KREMEN1: variants seen among roughly 807,000 people sequenced by gnomAD.
The protein encoded by KREMEN1 is kringle containing transmembrane protein 1, also known as kremen protein 1.
A neutral mutation model predicts 46.5 loss-of-function variants in KREMEN1; 30 were observed. The observed-to-expected ratio is 0.65, with a 90% CI of 0.48 to 0.88. The LOEUF (loss-of-function observed/expected upper bound fraction) is 0.88, where lower values mean the gene tolerates loss of function less well. Ranked by LOEUF, KREMEN1 falls within the 40% of genes least tolerant of loss-of-function variation. The pLI is 0.00. For synonymous variants in KREMEN1, 214 were observed against 230.6 expected (o/e 0.93, Z 0.65); for missense variants, 533 against 596.9 (o/e 0.89, Z 1.11).
In KREMEN1 at chr22:29,142,593, C is replaced by G; in HGVS notation, c.*481C>G. On this transcript the variant is annotated 3_prime_UTR_variant, in exon 9 of 9. Coordinates refer to ENST00000400335, the MANE Select transcript of KREMEN1 (RefSeq NM_001039570.3). ...GCCAGACAGGGAGAACTCTCAGGTA[C>G]TCTTGGGAGTTGGTCCCATACAAGT... The G allele has an allele frequency of 1.0e-6, 1 of 985,718 alleles. No homozygotes were observed. 61.1% of individuals were successfully genotyped at this position (985,718 alleles called of 1,614,324 possible).
At chr22:29,166,605 T>A (rs970953403) in intron 9 of KREMEN1, among the ~76,000 whole-genome samples, 2 of 152,102 alleles carry the variant, frequency 1.3e-5, no homozygotes, top group African/African-American at 4.8e-5. Context: ...CTCTCTCAAC[T>A]CTTTTAGTCA....
chr22:29,167,246 C>T (rs536101145), exon 10 of KREMEN1: 9 of 708,032 alleles, frequency 1.3e-5, no homozygotes, highest in Admixed American at 2.2e-5. Flanking sequence ...GTAATACCAG[C>T]GTTTTGGGAG....
intron 5 of KREMEN1, among the ~76,000 whole-genome samples, chr22:29,130,325 G>GC (rs2038512864): frequency 6.6e-6 from 1 of 152,200 alleles, no homozygotes; most frequent in Non-Finnish European, 1.5e-5. Flanking sequence ...GTAGGATCTG[G>GC]CTCCTGGGAC....
intron 3 of KREMEN1, among the ~76,000 whole-genome samples, chr22:29,100,126 C>G (rs1011286035): frequency 7.1e-6 from 1 of 139,904 alleles, no homozygotes; most frequent in Admixed American, 7.4e-5. Flanking sequence ...GAGTCTCACT[C>G]TGTCTCCCAG....
At position 29,138,746 on chromosome 22, in the gene KREMEN1, A is replaced by G; in HGVS notation, c.1087A>G (p.Thr363Ala). The change falls in exon 7 of 9, where the codon ACC becomes GCC. Residue 363 changes from threonine (T) to alanine (A), a missense_variant. Coordinates refer to ENST00000400335, the MANE Select transcript of KREMEN1 (RefSeq NM_001039570.3). Reference protein sequence around the residue: ...ARSSKVLYVITTSPSHPPQTV... With the variant: ...ARSSKVLYVIATSPSHPPQTV... ...GTCCTCCAAAGTCCTCTATGTCATC[A>G]CCACCAGCCCCAGCCACCCACCTCA... 1 of 1,614,152 alleles carries G rather than the reference A, an allele frequency of 6.2e-7. No homozygotes were observed. Among genetic ancestry groups the G allele is most frequent in the Non-Finnish European group, 8.5e-7 (1 of 1,180,032 alleles).
chr22:29,079,416 G>A (rs1370409241), intron 1 of KREMEN1, among the ~76,000 whole-genome samples: 2 of 152,232 alleles, frequency 1.3e-5, no homozygotes, highest in African/African-American at 4.8e-5. Context: ...GCCGGGCCCA[G>A]CTTCTAGCTT....
chr22:29,151,230 C>T (rs2038912542), downstream of KREMEN1, among the ~76,000 whole-genome samples: 1 of 152,122 alleles, frequency 6.6e-6, no homozygotes, highest in South Asian at 2.1e-4. Context: ...CTTCCATGGA[C>T]CTCAGGTTTA....
Position 29,153,864 on chromosome 22 carries a change from C to T in KREMEN1, c.1416+11764C>T, listed in dbSNP as rs188537606. On this transcript the variant is annotated intron_variant, in intron 9 of 9. Transcript: ENST00000327813. ...CTGGCGTGCTACTCCCTAGCTACTC[C>T]GGGAGGCTGAGGCAGGAGAATCGCT... Among the ~76,000 whole-genome samples the T allele has an allele frequency of 2.4e-4, 36 of 151,534 alleles. 1 individual carries two copies. In the East Asian group the frequency reaches 3.9e-3, roughly 16 times the overall value.
chr22:29,077,817 T>C (rs1268412480), intron 1 of KREMEN1, among the ~76,000 whole-genome samples: 4 of 152,252 alleles, frequency 2.6e-5, no homozygotes, highest in African/African-American at 9.6e-5. Context: ...ATGAAACTTT[T>C]ACCATTTACT....
chr22:29,115,395 T>C (rs2038221528), intron 3 of KREMEN1, among the ~76,000 whole-genome samples: 1 of 151,266 alleles, frequency 6.6e-6, no homozygotes, highest in Non-Finnish European at 1.5e-5. Flanking sequence ...AACTTACTCA[T>C]GTAACCAAAC....
intron 3 of KREMEN1, among the ~76,000 whole-genome samples, chr22:29,117,578 A>G (rs997694777): frequency 6.6e-6 from 1 of 152,154 alleles, no homozygotes; most frequent in Non-Finnish European, 1.5e-5. Context: ...AAAAAAAAAA[A>G]AAATGCTATC....
At chr22:29,112,598 A>G (rs1226758309) in intron 3 of KREMEN1, among the ~76,000 whole-genome samples, 1 of 152,166 alleles carries the variant, frequency 6.6e-6, no homozygotes, top group Non-Finnish European at 1.5e-5. Flanking sequence ...TTTTATCTTC[A>G]ACATCTGAAT....
At chr22:29,109,501 T>G (rs1385099619) in intron 3 of KREMEN1, among the ~76,000 whole-genome samples, 1 of 152,128 alleles carries the variant, frequency 6.6e-6, no homozygotes, top group African/African-American at 2.4e-5. Flanking sequence ...TTGTGGAAAT[T>G]GGAAGAAAGG....
intron 3 of KREMEN1, chr22:29,111,716 G>C (rs564354186): frequency 6.6e-6 from 1 of 150,940 alleles, no homozygotes; most frequent in Non-Finnish European, 1.5e-5. Flanking sequence ...CAGAGCCTTG[G>C]AAAGAGTTTT....
intron 9 of KREMEN1, among the ~76,000 whole-genome samples, chr22:29,164,401 T>C (rs1216682606): frequency 6.6e-6 from 1 of 152,238 alleles, no homozygotes; most frequent in East Asian, 1.9e-4. Flanking sequence ...TGCTATCATT[T>C]ATTGATCTCT....
In KREMEN1 at chr22:29,127,854, A is replaced by G. The variant is rs564478094; in HGVS notation, c.631+2438A>G. 5.3e-5 allele frequency among the ~76,000 whole-genome samples: 8 copies of G among 152,354 alleles called. No individual in the cohort carries two copies. The South Asian group carries it at 1.7e-3, about 32-fold the overall frequency. On this transcript the variant is annotated intron_variant, in intron 5 of 8. Coordinates refer to ENST00000400335, the MANE Select transcript of KREMEN1 (RefSeq NM_001039570.3). ...AAACCAAATGTCTATCAGCTGATGA[A>G]TGGATAAACAAAGTGGATATCCATA...
At position 29,143,899 on chromosome 22, in the gene KREMEN1, G is replaced by T. The variant is rs894353779; in HGVS notation, c.*1787G>T. ...ATAGGGAGGTGGGCTGCAGAGATTG[G>T]TGCCAGAAGAGGGTGGGTTTGGGAA... On this transcript the variant is annotated 3_prime_UTR_variant, in exon 9 of 9. Coordinates refer to ENST00000400335, the MANE Select transcript of KREMEN1 (RefSeq NM_001039570.3). 14 of 985,396 alleles carry T rather than the reference G, an allele frequency of 1.4e-5. No individual in the cohort carries two copies. The highest frequency in any genetic ancestry group is 1.2e-4 in the Admixed American group (2 of 16,278). The allele number at this position is 985,396 out of a possible 1,614,324, so 61.0% of individuals were successfully genotyped here.
intron 9 of KREMEN1, among the ~76,000 whole-genome samples, chr22:29,155,059 T>C (rs1013070190): frequency 6.6e-6 from 1 of 151,762 alleles, no homozygotes; most frequent in Admixed American, 6.6e-5. Context: ...CTACACACAC[T>C]GTATCAGAAT....
rs1427377492 is a variant in KREMEN1 at position 29,131,538 on chromosome 22, ATATATATATATATATATATATATGTG to A, written c.632-5802_632-5777del. Among the ~76,000 whole-genome samples the A allele has an allele frequency of 5.3e-3, 297 of 56,200 alleles. 1 individual carries two copies. Among genetic ancestry groups the A allele is most frequent in the Non-Finnish European group, 7.1e-3 (227 of 31,804 alleles). The allele number at this position is 56,200 out of a possible 152,430, so 36.9% of individuals were successfully genotyped here. ...GTATTCTGTTCATATATATATATATATATATATATATATATATATATATGTGTGTGTGTGTGTGTGTGTGTGTGTGT... is the reference window on the plus strand; with the variant it reads ...GTATTCTGTTCATATATATATATATATGTGTGTGTGTGTGTGTGTGTGTGT... On this transcript the variant is annotated intron_variant, in intron 5 of 8. Transcript: ENST00000400335.
Sources: gnomAD v4.1 joint callset for allele counts (sites outside exome capture counted in the v4.1 genomes callset) on GRCh38, gnomAD v4.1.1 for gene constraint, MANE v1.5 for transcripts, NCBI Gene and HGNC (gene_info 2026-07-23, HGNC 2026-07-21) for gene names.